Variants in ZNF804B observed in about 807,000 individuals in gnomAD.
ZNF804B encodes the protein zinc finger 804B.
ZNF804B carries 80 observed loss-of-function variants against 101.4 expected under a neutral mutation model. That is an observed-to-expected ratio of 0.79 (90% CI 0.66 to 0.95). The LOEUF is 0.95. Among genes scored for constraint, ZNF804B ranks in the 40% least tolerant of loss-of-function variants. The pLI is 0.00. For synonymous variants in ZNF804B, 622 were observed against 558.8 expected (o/e 1.11, Z -1.59); for missense variants, 1,673 against 1,561.9 (o/e 1.07, Z -1.20).
At chr7:88,816,980 C>A (rs1397773734) in intron 1 of ZNF804B, among the ~76,000 whole-genome samples, 4 of 150,836 alleles carry the variant, frequency 2.7e-5, no homozygotes, top group Non-Finnish European at 4.4e-5. Context: ...TTGGAACCAA[C>A]CCAAATGTCC....
At chr7:88,823,682 G>A (rs187852335) in intron 1 of ZNF804B, among the ~76,000 whole-genome samples, 17 of 152,196 alleles carry the variant, frequency 1.1e-4, no homozygotes, top group Admixed American at 2.0e-4. Flanking sequence ...CAGGTACCAT[G>A]AGCATGTGGC....
At chr7:89,191,108 G>A (rs550290566) in intron 1 of ZNF804B, among the ~76,000 whole-genome samples, 59 of 151,852 alleles carry the variant, frequency 3.9e-4, no homozygotes, top group African/African-American at 1.1e-3. Flanking sequence ...TTATACATTC[G>A]ATTTAGGAAA....
intron 1 of ZNF804B, among the ~76,000 whole-genome samples, chr7:89,021,253 C>T (rs1285357308): frequency 1.3e-5 from 2 of 152,140 alleles, no homozygotes; most frequent in Non-Finnish European, 2.9e-5. Context: ...TTTCAAATGT[C>T]TCAGTGGCCT....
chr7:88,972,747 CA>C (rs764193032), intron 1 of ZNF804B, among the ~76,000 whole-genome samples: 187 of 143,498 alleles, frequency 1.3e-3, no homozygotes, highest in African/African-American at 1.6e-3. Context: ...CTGAGTCTGA[CA>C]AAAAAAAAAC....
intron 1 of ZNF804B, among the ~76,000 whole-genome samples, chr7:89,028,147 A>G (rs1480814279): frequency 1.3e-5 from 2 of 152,162 alleles, no homozygotes; most frequent in Non-Finnish European, 2.9e-5. Flanking sequence ...ATAGTGATAT[A>G]TTTTTAAAAT....
rs537062625 is a variant in ZNF804B at position 88,964,833 on chromosome 7, AAG to A, written c.108+204754_108+204755del. On this transcript the variant is annotated intron_variant, in intron 1 of 3. Transcript: ENST00000333190. ...CTCTTAGAAGCTCACCTGAAATTTGAAGAGAGCAGAGCTCCACAGCTGCAAGG... is the reference window on the plus strand; with the variant it reads ...CTCTTAGAAGCTCACCTGAAATTTGAAGAGCAGAGCTCCACAGCTGCAAGG... 1.8e-3 allele frequency among the ~76,000 whole-genome samples: 277 copies of A among 151,556 alleles called. 1 individual carries two copies. Among genetic ancestry groups the A allele is most frequent in the African/African-American group, 6.4e-3 (264 of 41,458 alleles).
chr7:89,276,289 A>C lies in ZNF804B; in HGVS notation c.250-51055A>C, dbSNP rs1385962428. 3.3e-5 allele frequency among the ~76,000 whole-genome samples: 5 copies of C among 151,952 alleles called. No individual in the cohort carries two copies. In the East Asian group the frequency reaches 9.7e-4, roughly 29 times the overall value. ...ATGGCACGTGGTTACCTATGGAACA[A>C]ACCTGCACATCCTGCACATGTACCC... On this transcript the variant is annotated intron_variant, in intron 2 of 3. Transcript: ENST00000333190.
At position 89,314,927 on chromosome 7, in the gene ZNF804B, G is replaced by T. The variant is rs113553529; in HGVS notation, c.250-12417G>T. Among the ~76,000 whole-genome samples the T allele has an allele frequency of 6.7e-3, 1,014 of 152,270 alleles. 8 individuals carry two copies. The highest frequency in any genetic ancestry group is 0.023 in the African/African-American group (968 of 41,536). On this transcript the variant is annotated intron_variant, in intron 2 of 3. Transcript: ENST00000333190. ...TTAACTGCTCTAACCTGTTCACCAA[G>T]TTCCTACTGGTGAACAGGTGTGTAT... is the stretch of plus-strand genomic sequence containing the variant.
intron 1 of ZNF804B, among the ~76,000 whole-genome samples, chr7:88,894,708 C>T (rs561541810): frequency 3.9e-5 from 6 of 152,052 alleles, no homozygotes; most frequent in Admixed American, 6.5e-5. Context: ...CTCAAAAAGA[C>T]ATGAAGGAAA....
At chr7:89,281,951 T>TA (rs1790102480) in intron 2 of ZNF804B, among the ~76,000 whole-genome samples, 1 of 152,154 alleles carries the variant, frequency 6.6e-6, no homozygotes, top group Non-Finnish European at 1.5e-5. Flanking sequence ...TAAAACAATG[T>TA]AACCTTTTGG....
intron 1 of ZNF804B, among the ~76,000 whole-genome samples, chr7:88,873,142 G>A (rs1363358801): frequency 3.1e-4 from 47 of 151,974 alleles, no homozygotes; most frequent in East Asian, 1.2e-3. Flanking sequence ...TTGTTTCCTG[G>A]CTTTTTAATG....
chr7:88,867,758 A>G (rs1359350118), intron 1 of ZNF804B, among the ~76,000 whole-genome samples: 1 of 152,180 alleles, frequency 6.6e-6, no homozygotes, highest in Non-Finnish European at 1.5e-5. Flanking sequence ...GAGTTCTTAT[A>G]TATGTCTAGA....
chr7:89,060,816 A>T (rs1037729701), intron 1 of ZNF804B, among the ~76,000 whole-genome samples: 2 of 152,170 alleles, frequency 1.3e-5, no homozygotes, highest in Non-Finnish European at 2.9e-5. Flanking sequence ...AGCACTGTGC[A>T]TGTACATAAA....
chr7:89,255,040 A>T (rs557421202), intron 2 of ZNF804B, among the ~76,000 whole-genome samples: 1 of 152,218 alleles, frequency 6.6e-6, no homozygotes, highest in Admixed American at 6.5e-5. Flanking sequence ...GAAATAACTG[A>T]GACTGGCTAC....
At chr7:88,990,564 G>A (rs1021483063) in intron 1 of ZNF804B, among the ~76,000 whole-genome samples, 7 of 152,022 alleles carry the variant, frequency 4.6e-5, no homozygotes, top group Admixed American at 2.6e-4. Context: ...TTCCTCTGAC[G>A]TTAATGTTCA....
chr7:88,898,394 A>G (rs1170362988), intron 1 of ZNF804B, among the ~76,000 whole-genome samples: 2 of 151,656 alleles, frequency 1.3e-5, no homozygotes, highest in African/African-American at 4.8e-5. Context: ...CCAGTTCTCC[A>G]TTCTTATGGC....
intron 2 of ZNF804B, among the ~76,000 whole-genome samples, chr7:89,302,980 C>T (rs1018732001): frequency 6.6e-6 from 1 of 151,786 alleles, no homozygotes; most frequent in Non-Finnish European, 1.5e-5. Context: ...TCTTTGAAAA[C>T]GTTGGTAGTG....
intron 1 of ZNF804B, among the ~76,000 whole-genome samples, chr7:89,127,643 A>G (rs1158705587): frequency 6.6e-6 from 1 of 151,806 alleles, no homozygotes; most frequent in African/African-American, 2.4e-5. Context: ...AGTTCTTTTT[A>G]GTCCCATAGG....
At chr7:89,275,360 A>G (rs1208853) in intron 2 of ZNF804B, among the ~76,000 whole-genome samples, 60,634 of 151,772 alleles carry the variant, frequency 0.4, 12,661 homozygotes, top group African/African-American at 0.44. Flanking sequence ...CTCACTTTTA[A>G]TCTATTCCCA....
Sources: gnomAD v4.1 joint callset for allele counts (sites outside exome capture counted in the v4.1 genomes callset) on GRCh38, gnomAD v4.1.1 for gene constraint, MANE v1.5 for transcripts, NCBI Gene and HGNC (gene_info 2026-07-23, HGNC 2026-07-21) for gene names.